Variants in TBC1D22B observed in about 807,000 individuals in gnomAD.
The protein encoded by TBC1D22B is chromosome 6 open reading frame 197.
TBC1D22B carries 32 observed loss-of-function variants against 69.1 expected under a neutral mutation model. The ratio of observed to expected loss-of-function variants is 0.46; its 90% CI spans 0.35 to 0.62. The LOEUF is 0.62. Ranked by LOEUF, TBC1D22B falls within the 20% of genes least tolerant of loss-of-function variation. The pLI is 0.00. For missense variants in TBC1D22B, 462 were observed against 630.9 expected, an observed-to-expected ratio of 0.73 and a Z score of 2.87; for synonymous variants, 206 against 229.8, an observed-to-expected ratio of 0.90 and a Z score of 0.94.
At position 37,327,569 on chromosome 6, in the gene TBC1D22B, G is replaced by A. The variant is rs183498182; in HGVS notation, c.1390-3475G>A. ...AACAAACAAAAAAAGCTTTGAGGCA[G>A]ACAGGACTGAGGCCAGAATAGAACC... On this transcript the variant is annotated intron_variant, in intron 12 of 12. Transcript: ENST00000373491. 1.9e-3 allele frequency among the ~76,000 whole-genome samples: 290 copies of A among 151,604 alleles called. 12 individuals carry two copies. The Middle Eastern group carries it at 0.038, about 20-fold the overall frequency.
At chr6:37,318,432 C>T (rs905603871) in intron 12 of TBC1D22B, among the ~76,000 whole-genome samples, 9 of 152,086 alleles carry the variant, frequency 5.9e-5, no homozygotes, top group African/African-American at 2.2e-4. Context: ...TACCATTAGA[C>T]GTCTAAATAG....
In TBC1D22B at chr6:37,268,375, T is replaced by TGCA. The variant is rs1236771953; in HGVS notation, c.57-1215_57-1213dup. Among the ~76,000 whole-genome samples the TGCA allele has an allele frequency of 5.9e-5, 9 of 152,170 alleles. No homozygotes were observed. In the East Asian group the frequency reaches 1.5e-3, roughly 26 times the overall value. On this transcript the variant is annotated intron_variant, in intron 1 of 12. Coordinates refer to ENST00000373491, the MANE Select transcript of TBC1D22B (RefSeq NM_017772.4). ...TCCCAAGTAGCTGAGGCTACAGACG[T>TGCA]GCAGCACCATGCCCAACTAATTTTT...
At chr6:37,300,899 G>A (rs966613183) in intron 8 of TBC1D22B, among the ~76,000 whole-genome samples, 2 of 152,200 alleles carry the variant, frequency 1.3e-5, no homozygotes, top group African/African-American at 4.8e-5. Context: ...TGGTTGTACA[G>A]CAGATCTCTA....
chr6:37,327,652 G>A (rs558337859), intron 12 of TBC1D22B, among the ~76,000 whole-genome samples: 1 of 152,186 alleles, frequency 6.6e-6, no homozygotes, highest in Non-Finnish European at 1.5e-5. Context: ...ATCAGCTAAA[G>A]GCAGAGTTTT....
At chr6:37,297,001 A>AT (rs1208635086) in intron 8 of TBC1D22B, among the ~76,000 whole-genome samples, 2 of 151,788 alleles carry the variant, frequency 1.3e-5, no homozygotes, top group Non-Finnish European at 2.9e-5. Context: ...TAATTTTTGT[A>AT]TTTTTTGTAG....
Position 37,327,365 on chromosome 6 carries a change from C to A in TBC1D22B, c.1390-3679C>A, listed in dbSNP as rs972435822. Among the ~76,000 whole-genome samples, 14 of 129,598 alleles carry A rather than the reference C, an allele frequency of 1.1e-4. 2 individuals are homozygous for A. The highest frequency in any genetic ancestry group is 6.5e-4 in the Admixed American group (8 of 12,366). 85.0% of individuals were successfully genotyped at this position (129,598 alleles called of 152,430 possible). A position where few individuals can be genotyped will look rare whatever the true frequency, so the allele number is the denominator to read the frequency against. ...TGGTGGTGGGCGCCTGTAGTCCCAGCTGCTCGGGAGGCTGAGGCAGGAGAA... is the reference window on the plus strand; with the variant it reads ...TGGTGGTGGGCGCCTGTAGTCCCAGATGCTCGGGAGGCTGAGGCAGGAGAA... On this transcript the variant is annotated intron_variant, in intron 12 of 12. Coordinates refer to ENST00000373491, the MANE Select transcript of TBC1D22B (RefSeq NM_017772.4).
chr6:37,325,462 G>A (rs1768362355), intron 12 of TBC1D22B, among the ~76,000 whole-genome samples: 1 of 150,994 alleles, frequency 6.6e-6, no homozygotes, highest in South Asian at 2.1e-4. Flanking sequence ...CCCCGGTAGT[G>A]TCTCTTCTCT....
At chr6:37,314,260 C>A (rs967363401) in intron 10 of TBC1D22B, among the ~76,000 whole-genome samples, 1 of 152,194 alleles carries the variant, frequency 6.6e-6, no homozygotes, top group Non-Finnish European at 1.5e-5. Context: ...GCAATTGCAT[C>A]TTTCTGCAGC....
In TBC1D22B at chr6:37,331,523, CTT is replaced by C. The variant is rs878896553; in HGVS notation, c.*362_*363del. 1.8e-4 allele frequency: 28 copies of C among 153,906 alleles called. No individual in the cohort carries two copies. The highest frequency in any genetic ancestry group is 3.1e-4 in the Non-Finnish European group (22 of 71,518). 9.5% of individuals were successfully genotyped at this position (153,906 alleles called of 1,614,324 possible). ...GACAGGCCCCAACTGATAACCGTTG[CTT>C]TTTTTTTTTTGTGAACATAGTTTGA... On this transcript the variant is annotated 3_prime_UTR_variant, in exon 13 of 13. Transcript: ENST00000373491.
At chr6:37,294,553 G>A (rs770366373) in intron 8 of TBC1D22B, among the ~76,000 whole-genome samples, 3 of 152,136 alleles carry the variant, frequency 2.0e-5, no homozygotes, top group Non-Finnish European at 4.4e-5. Flanking sequence ...TCTTGTTAGG[G>A]GCTAAGGCAG....
chr6:37,319,548 C>G (rs1162479918), intron 12 of TBC1D22B, among the ~76,000 whole-genome samples: 1 of 152,206 alleles, frequency 6.6e-6, no homozygotes, highest in South Asian at 2.1e-4. Flanking sequence ...TACTGGGTAG[C>G]ATTTTCAATT....
In TBC1D22B at chr6:37,330,953, C is replaced by T. The variant is rs951970154; in HGVS notation, c.1390-91C>T. The T allele has an allele frequency of 5.6e-6, 8 of 1,433,598 alleles. No homozygotes were observed. The African/African-American group carries it at 1.1e-4, about 20-fold the overall frequency. The allele number at this position is 1,433,598 out of a possible 1,614,324, so 88.8% of individuals were successfully genotyped here. On this transcript the variant is annotated intron_variant, in intron 12 of 12. Coordinates refer to ENST00000373491, the MANE Select transcript of TBC1D22B (RefSeq NM_017772.4). ...AGATGTGTGAGCCAGGAGGAAGGGG[C>T]CCCATTCTAGGCCTTGGTCTCTAAG...
In TBC1D22B at chr6:37,314,933, AC is replaced by A. The variant is rs564902759; in HGVS notation, c.1165+1043del. ...TATTCACAGTTACTTCCCGTATGTC[AC>A]ATGTGGAATTTTTTTTCCGCTGTGT... On this transcript the variant is annotated intron_variant, in intron 10 of 12. Coordinates refer to ENST00000373491, the MANE Select transcript of TBC1D22B (RefSeq NM_017772.4). 2.7e-3 allele frequency among the ~76,000 whole-genome samples: 407 copies of A among 152,166 alleles called. 2 individuals are homozygous for A. The highest frequency in any genetic ancestry group is 9.1e-3 in the African/African-American group (378 of 41,514).
chr6:37,284,448 A>G lies in TBC1D22B; in HGVS notation c.785A>G (p.Gln262Arg). 6.3e-7 allele frequency: 1 copy of G among 1,594,034 alleles called. No individual in the cohort carries two copies. The highest frequency in any genetic ancestry group is 8.5e-7 in the Non-Finnish European group (1 of 1,171,400). ...YYDSRNEEHH[Q>R]DTYRQIHIDI... Reference sequence around the variant, plus strand: ...GACTCTCGAAACGAGGAACATCACCAGGATACCTACAGACAGGTACAGTCA... The same window carrying G: ...GACTCTCGAAACGAGGAACATCACCGGGATACCTACAGACAGGTACAGTCA... Residue 262 changes from glutamine to arginine, a missense_variant, in exon 6 of 13, where the codon CAG (glutamine) becomes CGG (arginine). By Grantham distance (43) the Gln-to-Arg change is conservative. Transcript: ENST00000373491.
intron 8 of TBC1D22B, among the ~76,000 whole-genome samples, chr6:37,293,085 T>TTA (rs1342358683): frequency 6.9e-6 from 1 of 144,894 alleles, no homozygotes; most frequent in Non-Finnish European, 1.5e-5. Context: ...ATTATTATTA[T>TTA]TTTTTTTTTT....
At chr6:37,262,838 A>G (rs922489632) in intron 1 of TBC1D22B, among the ~76,000 whole-genome samples, 3 of 152,150 alleles carry the variant, frequency 2.0e-5, no homozygotes, top group African/African-American at 7.2e-5. Context: ...CTAAACAAAC[A>G]CCTGTTGATT....
intron 9 of TBC1D22B, among the ~76,000 whole-genome samples, 166 bp downstream of exon 9, chr6:37,313,190 T>A (rs1361623141): frequency 6.6e-6 from 1 of 152,160 alleles, no homozygotes; most frequent in Non-Finnish European, 1.5e-5. Context: ...GCTTTACAGC[T>A]TTCAAACAGC....
At chr6:37,317,350 C>T in intron 12 of TBC1D22B, 144 bp downstream of exon 12, 1 of 783,778 alleles carries the variant, frequency 1.3e-6, no homozygotes, top group South Asian at 1.7e-5. Flanking sequence ...AAGGGGTCGT[C>T]CCTCTTAGTT....
chr6:37,272,380 T>C lies in TBC1D22B; in HGVS notation c.113+2730T>C, dbSNP rs12213713. On this transcript the variant is annotated intron_variant, in intron 2 of 12. Transcript: ENST00000373491. Reference sequence around the variant, plus strand: ...ATGTCCAGCCTTTTTTTTTTTTTTTTAAACAGAGTCTTGCGCTGCTGCTCA... The same window carrying C: ...ATGTCCAGCCTTTTTTTTTTTTTTTCAAACAGAGTCTTGCGCTGCTGCTCA... Among the ~76,000 whole-genome samples, 845 of 147,594 alleles carry C rather than the reference T, an allele frequency of 5.7e-3. 4 individuals carry two copies. The highest frequency in any genetic ancestry group is 0.027 in the Middle Eastern group (7 of 258).
Sources: allele counts gnomAD v4.1 joint callset (sites outside exome capture counted in the v4.1 genomes callset), GRCh38; gene constraint gnomAD v4.1.1; transcripts MANE v1.5; gene names NCBI Gene and HGNC (gene_info 2026-07-23, HGNC 2026-07-21).